The following XRRA1 variants were observed in gnomAD, a reference collection of about 807,000 sequenced individuals.
XRRA1 encodes X-ray radiation resistance-associated protein 1.
XRRA1 carries 69 observed loss-of-function variants against 80.2 expected under a neutral mutation model. The observed-to-expected ratio is 0.86, with a 90% CI of 0.71 to 1.05. The LOEUF is 1.05. XRRA1 is among the 50% of genes least tolerant of loss of function. XRRA1 has a pLI of 0.00. For synonymous variants in XRRA1, 348 were observed against 389.9 expected, an observed-to-expected ratio of 0.89 and a Z score of 1.27; for missense variants, 967 against 976.4, an observed-to-expected ratio of 0.99 and a Z score of 0.13.
intron 10 of XRRA1, among the ~76,000 whole-genome samples, chr11:74,890,345 A>G (rs1481867769): frequency 3.9e-5 from 6 of 152,294 alleles, no homozygotes; most frequent in Middle Eastern, 3.4e-3. Context: ...GATGTTCTTT[A>G]AAACCAATGA....
chr11:74,897,933 T>C (rs2052739829), intron 10 of XRRA1, among the ~76,000 whole-genome samples: 1 of 152,158 alleles, frequency 6.6e-6, no homozygotes, highest in Non-Finnish European at 1.5e-5. Flanking sequence ...CAAAACTCAC[T>C]GGTAATACTA....
intron 15 of XRRA1, among the ~76,000 whole-genome samples, chr11:74,847,132 A>G (rs926636775): frequency 2.0e-5 from 3 of 152,164 alleles, no homozygotes; most frequent in Non-Finnish European, 4.4e-5. Context: ...TTCTTTTAAA[A>G]TGCTTATTTA....
chr11:74,906,403 TG>T lies in XRRA1; in HGVS notation c.838del (p.Gln280SerfsTer10). 6.2e-7 allele frequency: 1 copy of T among 1,614,042 alleles called. No individual in the cohort carries two copies. Among genetic ancestry groups the T allele is most frequent in the Non-Finnish European group, 8.5e-7 (1 of 1,179,898 alleles). On this transcript the variant is annotated frameshift_variant, in exon 10 of 19. Transcript: ENST00000684022. LOFTEE classifies it high-confidence loss of function. ...TGACTCGTCATAGAGCTGAACTTGC[TG>T]TAGGTATGGGATCCTGATAATCCTG... ...ENRIIRIPYL[Q>X]QVQLYDESVD...
intron 10 of XRRA1, among the ~76,000 whole-genome samples, chr11:74,898,351 A>C (rs1315056150): frequency 1.3e-5 from 2 of 152,196 alleles, no homozygotes. Flanking sequence ...GAGGGAAAGA[A>C]GGAAGAGAAG....
At chr11:74,891,720 A>G (rs1442711633) in intron 10 of XRRA1, among the ~76,000 whole-genome samples, 3 of 152,188 alleles carry the variant, frequency 2.0e-5, no homozygotes, top group East Asian at 1.9e-4. Flanking sequence ...AGGATACAAA[A>G]TCAATGTGCA....
chr11:74,843,843 C>T lies in XRRA1; in HGVS notation c.2149+11G>A, dbSNP rs199612942. 10 of 1,599,920 alleles carry T rather than the reference C, an allele frequency of 6.3e-6. No individual in the cohort carries two copies. The East Asian group carries it at 2.2e-4, about 36-fold the overall frequency. ...GGATCTGGGATCCTGGCAGCTGTGG[C>T]AGAGCCGTACCTAGTGGAGCCTCTG... On this transcript the variant is annotated intron_variant, in intron 18 of 18. Transcript: ENST00000684022.
rs1160913431 is a variant in XRRA1 at position 74,877,963 on chromosome 11, T to C, written c.1004-14942A>G. Among the ~76,000 whole-genome samples, 21 of 152,110 alleles carry C rather than the reference T, an allele frequency of 1.4e-4. No individual in the cohort carries two copies. In the East Asian group the frequency reaches 2.7e-3, roughly 20 times the overall value. On this transcript the variant is annotated intron_variant, in intron 10 of 18. Transcript: ENST00000684022. ...TTTATAGCAGCATGATTTATAATCCTTTGGGTATATACCCAGTAATGGGAT... is the reference window on the plus strand; with the variant it reads ...TTTATAGCAGCATGATTTATAATCCCTTGGGTATATACCCAGTAATGGGAT...
chr11:74,862,918 A>G (rs2042607072), intron 11 of XRRA1, 63 bp downstream of exon 11: 1 of 1,361,380 alleles, frequency 7.3e-7, no homozygotes, highest in African/African-American at 1.5e-5. Context: ...ATTTTATTTG[A>G]TTTTGTCTAT....
At chr11:74,930,742 T>C (rs1421102358) in intron 5 of XRRA1, among the ~76,000 whole-genome samples, 1 of 152,218 alleles carries the variant, frequency 6.6e-6, no homozygotes, top group Non-Finnish European at 1.5e-5. Flanking sequence ...ATCCCCTCAC[T>C]AATCCCATAA....
At position 74,907,220 on chromosome 11, in the gene XRRA1, G is replaced by A. The variant is rs61736355; in HGVS notation, c.710C>T (p.Ala237Val). 98,533 of 1,613,854 alleles carry A rather than the reference G, an allele frequency of 0.061. 3,433 individuals carry two copies. The highest frequency in any genetic ancestry group is 0.072 in the Non-Finnish European group (84,474 of 1,179,804). Residue 237 changes from alanine (A) to valine (V), a missense_variant, in exon 9 of 19, where the codon GCG (alanine) becomes GTG (valine). Coordinates refer to ENST00000684022, the MANE Select transcript of XRRA1 (RefSeq NM_001378157.1). ...TSKRYILRFP[A>V]LETLMLDDNR... ...GTCATCCAGCATCAGTGTCTCCAGC[G>A]CTGGGAACCTCAGGATGTACCTCTT...
At chr11:74,908,786 T>C (rs1223019518) in intron 8 of XRRA1, among the ~76,000 whole-genome samples, 2 of 152,120 alleles carry the variant, frequency 1.3e-5, no homozygotes, top group Non-Finnish European at 2.9e-5. Context: ...GGAGAGGGAA[T>C]TGTCATGCTT....
At chr11:74,909,370 G>A (rs772275279) in intron 8 of XRRA1, among the ~76,000 whole-genome samples, 3 of 152,216 alleles carry the variant, frequency 2.0e-5, no homozygotes, top group South Asian at 2.1e-4. Context: ...CACAGCAGCT[G>A]TGTTGATTTA....
chr11:74,874,233 CAAAAAAAAAAAAAAAAA>C (rs367875228), intron 10 of XRRA1, among the ~76,000 whole-genome samples: 4 of 48,290 alleles, frequency 8.3e-5, no homozygotes, highest in Non-Finnish European at 1.5e-4. Context: ...GACTCCGTCT[CAAAAAAAAAAAAAAAAA>C]AAAAAAAAAA....
At chr11:74,942,867 T>C (rs749252268) in intron 2 of XRRA1, among the ~76,000 whole-genome samples, 2 of 152,142 alleles carry the variant, frequency 1.3e-5, no homozygotes, top group Non-Finnish European at 2.9e-5. Context: ...TCACTACATC[T>C]AGACTGAGAG....
At chr11:74,882,631 C>T (rs1221485184) in intron 10 of XRRA1, among the ~76,000 whole-genome samples, 1 of 151,870 alleles carries the variant, frequency 6.6e-6, no homozygotes, top group Non-Finnish European at 1.5e-5. Flanking sequence ...TTTTCCCCAT[C>T]TTTGTGGTTT....
rs2139902067 is a variant in XRRA1, at chr11:74,940,742, G to A, written c.94+43C>T. The A allele has an allele frequency of 2.7e-6, 4 of 1,498,432 alleles. No individual in the cohort carries two copies. In the East Asian group the frequency reaches 9.6e-5, roughly 36 times the overall value. The allele number at this position is 1,498,432 out of a possible 1,614,324, so 92.8% of individuals were successfully genotyped here. ...AGATGTGAGATGGTCTAAAGCACGAGCTAGGTATGAGGAAAAGGTAGCTAT... is the reference window on the plus strand; with the variant it reads ...AGATGTGAGATGGTCTAAAGCACGAACTAGGTATGAGGAAAAGGTAGCTAT... On this transcript the variant is annotated intron_variant, in intron 3 of 18. Coordinates refer to ENST00000684022, the MANE Select transcript of XRRA1 (RefSeq NM_001378157.1).
chr11:74,908,233 T>C (rs1418131282), intron 8 of XRRA1, among the ~76,000 whole-genome samples: 1 of 152,244 alleles, frequency 6.6e-6, no homozygotes, highest in Non-Finnish European at 1.5e-5. Flanking sequence ...GGATAGGTAT[T>C]ATTTATCTCC....
chr11:74,905,773 A>G (rs1405335845), intron 10 of XRRA1, among the ~76,000 whole-genome samples: 1 of 152,076 alleles, frequency 6.6e-6, no homozygotes, highest in African/African-American at 2.4e-5. Context: ...AGCTACATGA[A>G]GCCCATCATA....
At chr11:74,872,239 A>G (rs1191776952) in intron 10 of XRRA1, among the ~76,000 whole-genome samples, 2 of 152,236 alleles carry the variant, frequency 1.3e-5, no homozygotes, top group East Asian at 1.9e-4. Flanking sequence ...GCCTTTATGG[A>G]AAGGCTGAGA....
Sources: gnomAD v4.1 joint callset for allele counts (sites outside exome capture counted in the v4.1 genomes callset) on GRCh38, gnomAD v4.1.1 for gene constraint, MANE v1.5 for transcripts, NCBI Gene and HGNC (gene_info 2026-07-23, HGNC 2026-07-21) for gene names.